Variants in ABCD2 observed in about 807,000 individuals in gnomAD.
The protein encoded by ABCD2 is ATP binding cassette subfamily D member 2, also known as ATP-binding cassette sub-family D member 2.
ABCD2 carries 36 observed loss-of-function variants against 70.9 expected under a neutral mutation model. The observed-to-expected ratio is 0.51, with a 90% CI of 0.39 to 0.67. The LOEUF (loss-of-function observed/expected upper bound fraction) is 0.67, where lower values mean the gene tolerates loss of function less well. Among genes scored for constraint, ABCD2 ranks in the 30% least tolerant of loss-of-function variants. The pLI is 0.00. For synonymous variants in ABCD2, 304 were observed against 306.9 expected (o/e 0.99, Z 0.10); for missense variants, 729 against 890.2 (o/e 0.82, Z 2.30).
chr12:39,557,901 C>G (rs1351311955), intron 9 of ABCD2, among the ~76,000 whole-genome samples: 1 of 152,208 alleles, frequency 6.6e-6, no homozygotes, highest in Admixed American at 6.5e-5. Flanking sequence ...TATGGAGAAC[C>G]ATTGCTAGGG....
the ABCD2 span, among the ~76,000 whole-genome samples, chr12:39,540,299 C>CT: frequency 6.6e-6 from 1 of 152,124 alleles, no homozygotes; most frequent in Admixed American, 6.5e-5. Context: ...AAATTCCTAC[C>CT]TAAGGGGTCT....
At chr12:39,570,374 A>T (rs971287075) in intron 9 of ABCD2, among the ~76,000 whole-genome samples, 4 of 152,218 alleles carry the variant, frequency 2.6e-5, no homozygotes, top group Non-Finnish European at 5.9e-5. Flanking sequence ...CATTGTACTG[A>T]CACAAAAACA....
chr12:39,604,084 A>C, intron 4 of ABCD2, 78 bp from the exon 5 acceptor site: 1 of 931,538 alleles, frequency 1.1e-6, no homozygotes, highest in South Asian at 1.6e-5. Flanking sequence ...TATGCAGTAT[A>C]ACAGGTAATT....
intron 6 of ABCD2, among the ~76,000 whole-genome samples, chr12:39,598,595 T>G (rs563239496): frequency 1.1e-3 from 173 of 152,064 alleles, no homozygotes; most frequent in African/African-American, 3.9e-3. Flanking sequence ...AGACGGGGTT[T>G]CTCCATGTTG....
At chr12:39,568,521 C>T (rs1941394354) in intron 9 of ABCD2, among the ~76,000 whole-genome samples, 1 of 152,102 alleles carries the variant, frequency 6.6e-6, no homozygotes, top group South Asian at 2.1e-4. Flanking sequence ...TCTAGCTAGC[C>T]ATTCGTCTAA....
chr12:39,570,964 A>T (rs534448828), intron 9 of ABCD2, among the ~76,000 whole-genome samples: 11 of 152,330 alleles, frequency 7.2e-5, no homozygotes, highest in African/African-American at 2.2e-4. Flanking sequence ...AAAAGAAGAT[A>T]CACACAAATG....
chr12:39,552,969 T>C lies in ABCD2; in HGVS notation c.*943A>G, dbSNP rs948772770. On this transcript the variant is annotated 3_prime_UTR_variant, in exon 10 of 10. Transcript: ENST00000308666. Reference sequence around the variant, plus strand: ...GAAAAATAGTATTTGTTTCAAAACATTGTCATCAACATTAAGGTGAAATGA... The same window carrying C: ...GAAAAATAGTATTTGTTTCAAAACACTGTCATCAACATTAAGGTGAAATGA... 6.6e-5 allele frequency: 10 copies of C among 151,980 alleles called. No homozygotes were observed. The highest frequency in any genetic ancestry group is 1.9e-4 in the African/African-American group (8 of 41,444). 9.4% of individuals were successfully genotyped at this position (151,980 alleles called of 1,614,324 possible).
chr12:39,594,408 A>T (rs1941786863), intron 6 of ABCD2, among the ~76,000 whole-genome samples: 1 of 152,212 alleles, frequency 6.6e-6, no homozygotes, highest in Non-Finnish European at 1.5e-5. Context: ...AATTACAAAA[A>T]ATAACAATAC....
chr12:39,576,859 G>A (rs1941524895), intron 8 of ABCD2, among the ~76,000 whole-genome samples: 1 of 152,010 alleles, frequency 6.6e-6, no homozygotes, highest in South Asian at 2.1e-4. Context: ...ATTTATAAAA[G>A]TCATCCAATT....
chr12:39,614,875 G>C (rs925886926), intron 2 of ABCD2, among the ~76,000 whole-genome samples: 1 of 151,868 alleles, frequency 6.6e-6, no homozygotes, highest in Non-Finnish European at 1.5e-5. Context: ...TTAATAGTCT[G>C]TCATATGAAT....
intron 6 of ABCD2, 63 bp downstream of exon 6, chr12:39,600,508 G>A: frequency 7.2e-7 from 1 of 1,381,522 alleles, no homozygotes; most frequent in East Asian, 2.4e-5. Flanking sequence ...AGGAACTTGA[G>A]GAATCAAGAC....
chr12:39,565,564 T>C (rs1016928256), intron 9 of ABCD2, among the ~76,000 whole-genome samples: 2 of 152,114 alleles, frequency 1.3e-5, no homozygotes, highest in Non-Finnish European at 2.9e-5. Context: ...ATTCAATCAT[T>C]TCATCTGCAA....
At chr12:39,585,347 G>A (rs1225412334) in intron 7 of ABCD2, among the ~76,000 whole-genome samples, 1 of 152,084 alleles carries the variant, frequency 6.6e-6, no homozygotes, top group African/African-American at 2.4e-5. Flanking sequence ...CAAAGTTAGT[G>A]ATTTTTGTAT....
At chr12:39,580,486 TATC>T (rs1298604839) in intron 7 of ABCD2, among the ~76,000 whole-genome samples, 4 of 152,228 alleles carry the variant, frequency 2.6e-5, no homozygotes, top group Non-Finnish European at 4.4e-5. Context: ...GAATTGTATA[TATC>T]ATCATTGTCT....
intron 4 of ABCD2, 52 bp downstream of exon 4, chr12:39,604,709 CT>C (rs772864820): frequency 7.2e-7 from 1 of 1,394,024 alleles, no homozygotes; most frequent in Non-Finnish European, 9.5e-7. Context: ...AACTTTGGTT[CT>C]GTTGATAAAT....
At chr12:39,617,840 A>G (rs945838775) in intron 1 of ABCD2, among the ~76,000 whole-genome samples, 2 of 152,190 alleles carry the variant, frequency 1.3e-5, no homozygotes. Flanking sequence ...TCACCAAGTC[A>G]TTTAAATTAA....
At chr12:39,617,641 C>CAATATGATAT (rs1446831627) in intron 1 of ABCD2, among the ~76,000 whole-genome samples, 2 of 152,088 alleles carry the variant, frequency 1.3e-5, no homozygotes, top group Non-Finnish European at 2.9e-5. Context: ...AATCACAAAT[C>CAATATGATAT]AATATGATAT....
At chr12:39,611,987 A>G (rs574848667) in intron 2 of ABCD2, among the ~76,000 whole-genome samples, 125 of 152,304 alleles carry the variant, frequency 8.2e-4, no homozygotes, top group Non-Finnish European at 1.4e-3. Context: ...TGAGTAAATA[A>G]AAGTGCTTAA....
the ABCD2 span, among the ~76,000 whole-genome samples, chr12:39,541,824 A>G: frequency 4.8e-5 from 7 of 145,984 alleles, no homozygotes; most frequent in African/African-American, 1.5e-4. Context: ...GAGAATGAAC[A>G]AACAACTACA....
Sources: gnomAD v4.1 joint callset for allele counts (sites outside exome capture counted in the v4.1 genomes callset) on GRCh38, gnomAD v4.1.1 for gene constraint, MANE v1.5 for transcripts, NCBI Gene and HGNC (gene_info 2026-07-23, HGNC 2026-07-21) for gene names.